ADGRG1: variants seen among roughly 807,000 people sequenced by gnomAD.
The protein encoded by ADGRG1 is adhesion G protein-coupled receptor G1, also known as 7-transmembrane protein with no EGF-like N-terminal domains-1.
Under a neutral mutation model 73.5 loss-of-function variants are expected in ADGRG1, and 53 were observed. The ratio of observed to expected loss-of-function variants is 0.72; its 90% CI spans 0.58 to 0.91. ADGRG1 has a LOEUF of 0.91. Ranked by LOEUF, ADGRG1 falls within the 40% of genes least tolerant of loss-of-function variation. ADGRG1 has a pLI of 0.00. For synonymous variants in ADGRG1, 394 were observed against 374.4 expected (o/e 1.05, Z -0.60); for missense variants, 795 against 871.8 (o/e 0.91, Z 1.11).
intron 9 of ADGRG1, 39 bp downstream of exon 9, chr16:57,656,656 G>T: frequency 1.6e-6 from 2 of 1,215,672 alleles, no homozygotes; most frequent in Non-Finnish European, 2.5e-6. Flanking sequence ...CACACCCCAG[G>T]CCGTGTGCTT....
intron 10 of ADGRG1, 124 bp from the exon 11 acceptor site, chr16:57,659,289 C>T (rs2046474654): frequency 6.4e-7 from 1 of 1,568,044 alleles, no homozygotes; most frequent in African/African-American, 1.3e-5. Context: ...GGATAGGGGC[C>T]ATGTATGACT....
At chr16:57,644,548 CAT>C (rs1166864899) in intron 1 of ADGRG1, among the ~76,000 whole-genome samples, 1 of 142,688 alleles carries the variant, frequency 7.0e-6, no homozygotes, top group Non-Finnish European at 1.5e-5. Flanking sequence ...CAGGCACACA[CAT>C]GCACACACGG....
chr16:57,657,208 C>A, intron 9 of ADGRG1, 165 bp from the exon 10 acceptor site: 1 of 444,750 alleles, frequency 2.2e-6, no homozygotes, highest in Non-Finnish European at 3.0e-6. Flanking sequence ...GATGCCCCCA[C>A]TCCAGAAAAA....
At chr16:57,653,766 C>T (rs1315108254) in intron 4 of ADGRG1, 1 of 974,064 alleles carries the variant, frequency 1.0e-6, no homozygotes. Context: ...CTCTGTCTGA[C>T]CCTACCCCAG....
At chr16:57,655,731 G>C in intron 6 of ADGRG1, 145 bp from the exon 7 acceptor site, 1 of 1,604,034 alleles carries the variant, frequency 6.2e-7, no homozygotes, top group South Asian at 1.1e-5. Context: ...TGACTACATG[G>C]GCAAAAGTGG....
Position 57,663,370 on chromosome 16 carries a change from G to A in ADGRG1, c.1934-82G>A, listed in dbSNP as rs531553514. ...CACTATGGAGAGGTGGGGCAGACCC[G>A]AGTCACAATGGCTGGGGAGGGAGGA... On this transcript the variant is annotated intron_variant, in intron 13 of 13. Coordinates refer to ENST00000562631, the MANE Select transcript of ADGRG1 (RefSeq NM_201525.4). 1.1e-5 allele frequency: 17 copies of A among 1,587,174 alleles called. No individual in the cohort carries two copies. The Admixed American group carries it at 1.1e-4, about 10-fold the overall frequency.
intron 3 of ADGRG1, chr16:57,652,028 C>T (rs2148265211): frequency 9.1e-7 from 1 of 1,099,298 alleles, no homozygotes. Flanking sequence ...TGTTTATTTC[C>T]TTTCACAGAG....
chr16:57,645,724 C>T (rs1481981071), intron 1 of ADGRG1, among the ~76,000 whole-genome samples: 6 of 152,176 alleles, frequency 3.9e-5, no homozygotes, highest in African/African-American at 9.7e-5. Context: ...CTCTTTGGGC[C>T]GGGACTGTGA....
At chr16:57,642,482 T>G in intron 1 of ADGRG1, 1 of 984,936 alleles carries the variant, frequency 1.0e-6, no homozygotes, top group Non-Finnish European at 1.2e-6. Flanking sequence ...TTCTGAGAGC[T>G]TTTTTCCATG....
At chr16:57,652,647 T>C in intron 3 of ADGRG1, 2 of 987,444 alleles carry the variant, frequency 2.0e-6, no homozygotes, top group Non-Finnish European at 2.4e-6. Flanking sequence ...TTCTCGGTTA[T>C]GCATTCAAAA....
At chr16:57,660,350 G>A in intron 11 of ADGRG1, 2 of 984,998 alleles carry the variant, frequency 2.0e-6, no homozygotes, top group South Asian at 4.7e-5. Context: ...GTTTGGAGGT[G>A]GGCAGCCCCC....
chr16:57,652,537 T>C (rs781450965), intron 3 of ADGRG1: 158 of 732,348 alleles, frequency 2.2e-4, no homozygotes, highest in Non-Finnish European at 2.5e-4. Context: ...TAGTTGCAAA[T>C]TGGCATTCTG....
rs1297926320 is a variant in ADGRG1 at position 57,645,044 on chromosome 16, TAC to T, written c.-35-5202_-35-5201del. On this transcript the variant is annotated intron_variant, in intron 1 of 13. Coordinates refer to ENST00000562631, the MANE Select transcript of ADGRG1 (RefSeq NM_201525.4). ...CACACTCATCACACACTCATGCACA[TAC>T]ACACACTCATGCACACGCACACACA... 15 of 979,592 alleles carry T rather than the reference TAC, an allele frequency of 1.5e-5. No homozygotes were observed. The East Asian group carries it at 1.7e-3, about 113-fold the overall frequency. 60.7% of individuals were successfully genotyped at this position (979,592 alleles called of 1,614,324 possible).
At position 57,655,862 on chromosome 16, in the gene ADGRG1, C is replaced by T; in HGVS notation, c.901-14C>T. 1 of 1,614,098 alleles carries T rather than the reference C, an allele frequency of 6.2e-7. No individual in the cohort carries two copies. Among genetic ancestry groups the T allele is most frequent in the South Asian group, 1.1e-5 (1 of 91,088 alleles). On this transcript the variant is annotated splice_polypyrimidine_tract_variant and intron_variant, in intron 6 of 13. Transcript: ENST00000562631. ...CTCCCTCCCTACTCTCTTCCTCCAA[C>T]CCCATGTATCTAGGACAAGAATTCC... is the stretch of plus-strand genomic sequence containing the variant.
At chr16:57,621,845 G>A in intron 2 of ADGRG1, 1 of 985,110 alleles carries the variant, frequency 1.0e-6, no homozygotes, top group Non-Finnish European at 1.2e-6. Flanking sequence ...ATGGTCTTGA[G>A]GTAAGGGGAT....
At chr16:57,647,122 A>G (rs914539808) in intron 1 of ADGRG1, 1 of 985,494 alleles carries the variant, frequency 1.0e-6, no homozygotes, top group African/African-American at 1.7e-5. Flanking sequence ...GAGGGGTGGC[A>G]TAGGCAGGGA....
intron 1 of ADGRG1, chr16:57,647,287 G>T: frequency 4.1e-6 from 4 of 985,338 alleles, no homozygotes; most frequent in Non-Finnish European, 4.8e-6. Context: ...GCACTCTCCC[G>T]GAAAGGAAGC....
chr16:57,633,167 ATACAT>A (rs1268248961), intron 1 of ADGRG1: 53 of 368,632 alleles, frequency 1.4e-4, no homozygotes, highest in Non-Finnish European at 1.8e-4. Context: ...GGAGATAACA[ATACAT>A]CCCTTTGCAG....
chr16:57,634,485 C>A (rs562628388), intron 1 of ADGRG1: 1 of 984,830 alleles, frequency 1.0e-6, no homozygotes, highest in Admixed American at 6.1e-5. Context: ...CTACAAAGAC[C>A]CTCATTCAAT....
Sources: allele counts gnomAD v4.1 joint callset (sites outside exome capture counted in the v4.1 genomes callset), GRCh38; gene constraint gnomAD v4.1.1; transcripts MANE v1.5; gene names NCBI Gene and HGNC (gene_info 2026-07-23, HGNC 2026-07-21).